GLIPR2: variants seen among roughly 807,000 people sequenced by gnomAD.
GLIPR2 encodes the protein GLI pathogenesis related 2, also known as Golgi-associated plant pathogenesis-related protein 1.
Under a neutral mutation model 20.4 loss-of-function variants are expected in GLIPR2, and 21 were observed. The observed-to-expected ratio is 1.03, with a 90% CI of 0.73 to 1.48. The LOEUF is 1.48. Ranked by LOEUF, GLIPR2 falls within the 40% of genes most tolerant of loss-of-function variation. The probability of loss-of-function intolerance (pLI) is 0.00; values close to 1 mark genes in which losing one functional copy is unlikely to be tolerated. For synonymous variants in GLIPR2, 91 were observed against 80.5 expected, an observed-to-expected ratio of 1.13 and a Z score of -0.70; for missense variants, 205 against 200.1, an observed-to-expected ratio of 1.02 and a Z score of -0.15.
intron 4 of GLIPR2, among the ~76,000 whole-genome samples, chr9:36,156,637 GC>G (rs1290904621): frequency 6.6e-6 from 1 of 152,134 alleles, no homozygotes; most frequent in Non-Finnish European, 1.5e-5. Flanking sequence ...TAAGAACTGG[GC>G]CGCACAGCAG....
At chr9:36,146,891 A>T (rs1287722184) in intron 1 of GLIPR2, among the ~76,000 whole-genome samples, 1 of 152,124 alleles carries the variant, frequency 6.6e-6, no homozygotes, top group Non-Finnish European at 1.5e-5. Context: ...ACATGCCGGT[A>T]GCTCCACAGT....
intron 1 of GLIPR2, chr9:36,141,701 T>C (rs897930240): frequency 5.1e-6 from 2 of 393,384 alleles, no homozygotes; most frequent in African/African-American, 4.2e-5. Context: ...TCACGCAGGC[T>C]GGAGTGCAGT....
At position 36,162,456 on chromosome 9, in the gene GLIPR2, C is replaced by T. The variant is rs144508269; in HGVS notation, c.399C>T (p.Tyr133=). The change falls in exon 5 of 5, where the codon TAC becomes TAT. Residue 133 remains tyrosine (Y), a synonymous_variant. Transcript: ENST00000377960. ...SDGSSFVVAR[Y]FPAGNVVNEG... is the part of the protein sequence containing the mutation. The stretch of plus-strand genomic sequence containing the variant: ...GGTCCTCCTTTGTGGTGGCCAGATA[C>T]TTCCCAGCGGGGAATGTTGTCAATG... 8 of 1,614,016 alleles carry T rather than the reference C, an allele frequency of 5.0e-6. No individual in the cohort carries two copies. The highest frequency in any genetic ancestry group is 4.0e-5 in the African/African-American group (3 of 74,928).
intron 4 of GLIPR2, 104 bp from the exon 5 acceptor site, chr9:36,162,258 G>C: frequency 6.2e-7 from 1 of 1,603,212 alleles, no homozygotes. Flanking sequence ...ATGCTGACCT[G>C]AGCCTGGCAA....
intron 1 of GLIPR2, among the ~76,000 whole-genome samples, chr9:36,139,990 G>T (rs1825002215): frequency 6.6e-6 from 1 of 152,182 alleles, no homozygotes; most frequent in Non-Finnish European, 1.5e-5. Context: ...TACCATATTA[G>T]TGACAGCACT....
intron 4 of GLIPR2, among the ~76,000 whole-genome samples, chr9:36,158,418 G>A (rs1825928226): frequency 6.6e-6 from 1 of 152,006 alleles, no homozygotes; most frequent in Non-Finnish European, 1.5e-5. Context: ...TGAAGTGGTT[G>A]CCCTTTTTTC....
intron 1 of GLIPR2, chr9:36,141,820 A>ATTTTTTT: frequency 2.3e-6 from 1 of 435,216 alleles, no homozygotes; most frequent in Non-Finnish European, 4.6e-6. Context: ...CGCATGGCTA[A>ATTTTTTT]TTTTTTTTTT....
At chr9:36,158,156 A>C (rs1298083055) in intron 4 of GLIPR2, among the ~76,000 whole-genome samples, 1 of 152,134 alleles carries the variant, frequency 6.6e-6, no homozygotes, top group East Asian at 1.9e-4. Context: ...CTCTGCTAGG[A>C]GCATGGGCGT....
intron 3 of GLIPR2, among the ~76,000 whole-genome samples, chr9:36,149,854 C>T (rs1156751179): frequency 6.6e-6 from 1 of 152,142 alleles, no homozygotes; most frequent in African/African-American, 2.4e-5. Flanking sequence ...ATGGAGAAAC[C>T]CCATCTGTAC....
At chr9:36,153,393 T>C (rs1157595700) in intron 4 of GLIPR2, among the ~76,000 whole-genome samples, 2 of 152,196 alleles carry the variant, frequency 1.3e-5, no homozygotes, top group Admixed American at 6.5e-5. Flanking sequence ...CTATTCCAGA[T>C]ACCAACAGGC....
intron 1 of GLIPR2, among the ~76,000 whole-genome samples, chr9:36,147,568 C>T (rs1185268822): frequency 6.6e-5 from 10 of 152,330 alleles, no homozygotes; most frequent in Admixed American, 3.3e-4. Context: ...ACATGATCCA[C>T]GGGCTTTAGA....
intron 4 of GLIPR2, among the ~76,000 whole-genome samples, chr9:36,151,834 C>T (rs1216201958): frequency 1.3e-5 from 2 of 152,190 alleles, no homozygotes; most frequent in South Asian, 2.1e-4. Context: ...CCGACTCAGG[C>T]GTCTGGGGCC....
chr9:36,147,269 C>G (rs1027448489), intron 1 of GLIPR2, among the ~76,000 whole-genome samples: 1 of 152,198 alleles, frequency 6.6e-6, no homozygotes, highest in Non-Finnish European at 1.5e-5. Flanking sequence ...GTGCCCTCCT[C>G]CCCAGCCAGG....
intron 1 of GLIPR2, chr9:36,144,882 T>A (rs1042510906): frequency 2.0e-5 from 3 of 152,304 alleles, no homozygotes; most frequent in Non-Finnish European, 4.4e-5. Flanking sequence ...AAGCCCTGGG[T>A]CTTCTTTCCC....
Position 36,162,865 on chromosome 9 carries a change from A to T in GLIPR2, c.*343A>T, listed in dbSNP as rs546064552. ...TAATATCCATCCCTGGACTTTTTGT[A>T]TTCCAAATGTTTGTGATGCTGAGAA... On this transcript the variant is annotated 3_prime_UTR_variant, in exon 5 of 5. Transcript: ENST00000377960. 5 of 470,158 alleles carry T rather than the reference A, an allele frequency of 1.1e-5. No individual in the cohort carries two copies. Among genetic ancestry groups the T allele is most frequent in the Non-Finnish European group, 2.1e-5 (5 of 238,416 alleles). 29.1% of individuals were successfully genotyped at this position (470,158 alleles called of 1,614,324 possible).
chr9:36,149,689 T>C (rs531407772), intron 3 of GLIPR2, among the ~76,000 whole-genome samples: 22 of 152,314 alleles, frequency 1.4e-4, no homozygotes, highest in Non-Finnish European at 2.6e-4. Context: ...TCTGAGACAG[T>C]GCTTCCCTAC....
At chr9:36,136,665 G>T, upstream of GLIPR2, 1 of 776,936 alleles carries the variant, frequency 1.3e-6, no homozygotes, top group South Asian at 6.4e-5. The surrounding 1 kb of genome is among the most constrained non-coding windows in gnomAD (Gnocchi z 4.3). Flanking sequence ...GGGGCCGGGC[G>T]GCGCCGGAGG....
chr9:36,150,820 G>T, intron 3 of GLIPR2, 52 bp from the exon 4 acceptor site: 1 of 1,321,342 alleles, frequency 7.6e-7, no homozygotes, highest in Non-Finnish European at 1.1e-6. Context: ...CAGGGAATAG[G>T]GAGTGGGTGG....
At chr9:36,149,264 A>C (rs1825479641) in intron 3 of GLIPR2, among the ~76,000 whole-genome samples, 1 of 152,202 alleles carries the variant, frequency 6.6e-6, no homozygotes, top group South Asian at 2.1e-4. Context: ...TTTTAGGAAG[A>C]ATATTGGAGA....
Sources: allele counts gnomAD v4.1 joint callset (sites outside exome capture counted in the v4.1 genomes callset), GRCh38; gene constraint gnomAD v4.1.1; non-coding constraint Gnocchi (gnomAD v3.1); transcripts MANE v1.5; gene names NCBI Gene and HGNC (gene_info 2026-07-23, HGNC 2026-07-21).